Variants in ARHGEF28 observed in about 807,000 individuals in gnomAD.
The protein encoded by ARHGEF28 is 190 kDa guanine nucleotide exchange factor.
Under a neutral mutation model 206.6 loss-of-function variants are expected in ARHGEF28, and 152 were observed. That is an observed-to-expected ratio of 0.74 (90% confidence interval 0.64 to 0.84). The LOEUF (loss-of-function observed/expected upper bound fraction) is 0.84, where lower values mean the gene tolerates loss of function less well. ARHGEF28 is among the 40% of genes least tolerant of loss of function. The probability of loss-of-function intolerance (pLI) is 0.00; values close to 1 mark genes in which losing one functional copy is unlikely to be tolerated. For synonymous variants in ARHGEF28, 763 were observed against 776.4 expected, an observed-to-expected ratio of 0.98 and a Z score of 0.29; for missense variants, 2,028 against 2,073.2, an observed-to-expected ratio of 0.98 and a Z score of 0.42.
intron 27 of ARHGEF28, 59 bp from the exon 28 acceptor site, chr5:73,893,138 G>GAATCTAC: frequency 7.5e-7 from 1 of 1,328,694 alleles, no homozygotes; most frequent in Non-Finnish European, 1.0e-6. Context: ...TTTTTCTAAT[G>GAATCTAC]AATCTACAGA....
Position 73,626,332 on chromosome 5 carries a change from CTTT to C in ARHGEF28, c.-12+11_-12+13del, listed in dbSNP as rs1742994596. 6.6e-6 allele frequency: 1 copy of C among 152,216 alleles called. No individual in the cohort carries two copies. Among genetic ancestry groups the C allele is most frequent in the Non-Finnish European group, 1.5e-5 (1 of 68,090 alleles). 9.4% of individuals were successfully genotyped at this position (152,216 alleles called of 1,614,324 possible). On this transcript the variant is annotated intron_variant, in intron 1 of 35. Transcript: ENST00000513042. ...GGGGCCATCGCTCCAGGTAAATGCT[CTTT>C]GGGACTCCATCGTCTGCGTTTCCCT...
intron 1 of ARHGEF28, among the ~76,000 whole-genome samples, chr5:73,642,876 A>T (rs970680870): frequency 5.3e-5 from 8 of 152,216 alleles, no homozygotes; most frequent in Non-Finnish European, 1.2e-4. Flanking sequence ...TAAGTTCTAA[A>T]CAATTGCTGC....
rs1758358777 is a variant in ARHGEF28, at chr5:73,846,335, T to TA, written c.1496dup (p.Tyr499Ter). The TA allele has an allele frequency of 6.2e-7, 1 of 1,613,758 alleles. No homozygotes were observed. The highest frequency in any genetic ancestry group is 8.5e-7 in the Non-Finnish European group (1 of 1,179,818). The change falls in exon 12 of 36, where the codon TAC becomes TAAC. Residue 499 changes from tyrosine to a stop codon, truncating the protein, a stop_gained and frameshift_variant. Transcript: ENST00000513042. LOFTEE classifies it high-confidence loss of function. ...EGHSEPSHIC[Y>*]TPGSQSSSRT... ...GCATTCTGAGCCATCCCACATCTGT[T>TA]ACACTCCAGGGTCTCAGAGCTCCTC...
In ARHGEF28 at chr5:73,901,262, C is replaced by T. The variant is rs773458989; in HGVS notation, c.4052C>T (p.Ala1351Val). The change falls in exon 31 of 36, where the codon GCC becomes GTC. Residue 1351 changes from alanine to valine, a missense_variant. Physicochemically the swap from Ala to Val is moderately conservative, Grantham distance 64. This residue lies in a region of ARHGEF28 where 803 missense variants were observed against 768.0 expected (regional missense o/e 1.05). Transcript: ENST00000513042. ...ATCCAGGGTGTGGTAACCGACTTGGCCGTCTCTGATGCAGGGGAGAAGGTA... is the reference window on the plus strand; with the variant it reads ...ATCCAGGGTGTGGTAACCGACTTGGTCGTCTCTGATGCAGGGGAGAAGGTA... ...PGIQGVVTDL[A>V]VSDAGEKVEC... 3 of 1,612,748 alleles carry T rather than the reference C, an allele frequency of 1.9e-6. No individual in the cohort carries two copies. The highest frequency in any genetic ancestry group is 1.7e-5 in the Admixed American group (1 of 59,946).
At chr5:73,857,444 G>C (rs1264167116) in intron 14 of ARHGEF28, among the ~76,000 whole-genome samples, 1 of 152,118 alleles carries the variant, frequency 6.6e-6, no homozygotes, top group Non-Finnish European at 1.5e-5. Context: ...GACATTGTGA[G>C]ATTGTTGCTC....
At chr5:73,657,172 C>CAAAAAAA (rs76970237) in intron 1 of ARHGEF28, among the ~76,000 whole-genome samples, 1 of 94,550 alleles carries the variant, frequency 1.1e-5, no homozygotes, top group African/African-American at 4.2e-5. Flanking sequence ...GACTCCGTCC[C>CAAAAAAA]AAAAAAAAAA....
At chr5:73,754,054 A>G (rs1752173159) in intron 4 of ARHGEF28, among the ~76,000 whole-genome samples, 1 of 152,190 alleles carries the variant, frequency 6.6e-6, no homozygotes, top group African/African-American at 2.4e-5. Flanking sequence ...ATTAAATACA[A>G]CATATATTAT....
At chr5:73,713,881 GAA>G (rs1406395114) in intron 2 of ARHGEF28, among the ~76,000 whole-genome samples, 4 of 152,132 alleles carry the variant, frequency 2.6e-5, no homozygotes. Context: ...GAGAGAGAGA[GAA>G]AGAGAGGAAA....
chr5:73,735,488 T>G (rs1750865721), intron 2 of ARHGEF28, among the ~76,000 whole-genome samples: 1 of 152,098 alleles, frequency 6.6e-6, no homozygotes, highest in Non-Finnish European at 1.5e-5. Flanking sequence ...GACCAGTATC[T>G]CTGGTCTGCA....
rs552236470 is a variant in ARHGEF28, at chr5:73,869,744, C to T, written c.2426-325C>T. On this transcript the variant is annotated intron_variant, in intron 20 of 35. Transcript: ENST00000513042. ...CAACATGGTGAAACCCCATCTCTAC[C>T]AAAAATATAAAAACTAAGCTAGGTG... Among the ~76,000 whole-genome samples the T allele has an allele frequency of 5.3e-5, 8 of 151,948 alleles. No homozygotes were observed. The South Asian group carries it at 1.5e-3, about 28-fold the overall frequency.
At chr5:73,857,243 A>T (rs1290147220) in intron 14 of ARHGEF28, among the ~76,000 whole-genome samples, 4 of 152,158 alleles carry the variant, frequency 2.6e-5, no homozygotes, top group African/African-American at 9.7e-5. Flanking sequence ...ATTGTTGGTT[A>T]TTTGGCTTCT....
At chr5:73,753,767 G>A (rs964042478) in intron 4 of ARHGEF28, among the ~76,000 whole-genome samples, 3 of 152,232 alleles carry the variant, frequency 2.0e-5, no homozygotes, top group Non-Finnish European at 2.9e-5. Context: ...CAAGGCTATA[G>A]ATGTTATATA....
At position 73,845,997 on chromosome 5, in the gene ARHGEF28, A is replaced by G. The variant is rs58276295; in HGVS notation, c.1428-271A>G. Among the ~76,000 whole-genome samples, 90 of 134,258 alleles carry G rather than the reference A, an allele frequency of 6.7e-4. 1 individual carries two copies. Among genetic ancestry groups the G allele is most frequent in the African/African-American group, 3.0e-3 (88 of 29,104 alleles). 88.1% of individuals were successfully genotyped at this position (134,258 alleles called of 152,430 possible). A position where few individuals can be genotyped will look rare whatever the true frequency, so the allele number is the denominator to read the frequency against. On this transcript the variant is annotated intron_variant, in intron 11 of 35. Coordinates refer to ENST00000513042, the MANE Select transcript of ARHGEF28 (RefSeq NM_001177693.2). ...GAACAAAACTGTCTCAAAAAAAAAA[A>G]AAAAAAAAAAAAAGAAAGAAAGAAA...
chr5:73,850,440 T>C (rs989887788), intron 13 of ARHGEF28, among the ~76,000 whole-genome samples: 10 of 152,148 alleles, frequency 6.6e-5, no homozygotes, highest in Non-Finnish European at 1.0e-4. Flanking sequence ...TTTTACTTCA[T>C]GGGTTCTTTC....
At chr5:73,764,221 T>A (rs1422042540) in intron 4 of ARHGEF28, among the ~76,000 whole-genome samples, 19 of 152,266 alleles carry the variant, frequency 1.2e-4, no homozygotes, top group Admixed American at 1.2e-3. Context: ...AGGCTTGCTA[T>A]GTGTTCAAAT....
At chr5:73,754,493 C>A (rs1229651698) in intron 4 of ARHGEF28, among the ~76,000 whole-genome samples, 2 of 152,110 alleles carry the variant, frequency 1.3e-5, no homozygotes, top group Non-Finnish European at 2.9e-5. Flanking sequence ...TTGCTATTAT[C>A]CCCAAGGATT....
chr5:73,886,178 G>A, intron 25 of ARHGEF28, 74 bp downstream of exon 25: 2 of 1,509,228 alleles, frequency 1.3e-6, no homozygotes, highest in Non-Finnish European at 1.8e-6. Flanking sequence ...ATTTTCAAAA[G>A]AAAAACAGTT....
intron 9 of ARHGEF28, among the ~76,000 whole-genome samples, chr5:73,828,691 T>A (rs992212173): frequency 6.6e-5 from 10 of 151,716 alleles, no homozygotes; most frequent in Admixed American, 4.6e-4. Flanking sequence ...TTTCTCTTTC[T>A]CTTTCTTTCT....
chr5:73,825,739 AC>A (rs1172988430), intron 9 of ARHGEF28, among the ~76,000 whole-genome samples: 1 of 152,132 alleles, frequency 6.6e-6, no homozygotes, highest in East Asian at 1.9e-4. Context: ...AAGAAAGAAA[AC>A]AGTCAAGGGT....
Sources: allele counts gnomAD v4.1 joint callset (sites outside exome capture counted in the v4.1 genomes callset), GRCh38; gene constraint gnomAD v4.1.1; regional missense constraint gnomAD v4.1.1; transcripts MANE v1.5; gene names NCBI Gene and HGNC (gene_info 2026-07-23, HGNC 2026-07-21).